INTS4: variants seen among roughly 807,000 people sequenced by gnomAD.
INTS4 encodes the protein MSTP093.
INTS4 carries 70 observed loss-of-function variants against 119.5 expected under a neutral mutation model. The observed-to-expected ratio is 0.59, with a 90% confidence interval of 0.48 to 0.71. INTS4 has a LOEUF of 0.71. INTS4 is among the 30% of genes least tolerant of loss of function. The probability of loss-of-function intolerance (pLI) is 0.00; values close to 1 mark genes in which losing one functional copy is unlikely to be tolerated. For missense variants in INTS4, 867 were observed against 1,173.2 expected (o/e 0.74, Z 3.81); for synonymous variants, 316 against 419.6 (o/e 0.75, Z 3.02).
At chr11:77,965,196 T>G (rs906116125) in intron 4 of INTS4, among the ~76,000 whole-genome samples, 1 of 152,038 alleles carries the variant, frequency 6.6e-6, no homozygotes, top group Admixed American at 6.6e-5. Flanking sequence ...AGAATACAGG[T>G]GCAAGCCACC....
intron 22 of INTS4, among the ~76,000 whole-genome samples, chr11:77,882,720 A>C (rs1168189485): frequency 6.6e-6 from 1 of 152,156 alleles, no homozygotes; most frequent in Non-Finnish European, 1.5e-5. Context: ...GGGCTGCCCT[A>C]ACATCCAACA....
rs772470786 is a variant in INTS4, at chr11:77,921,375, G to A, written c.1729C>T (p.Arg577Ter). ...GGAACAAGATGAGAAAGACTGTCTC[G>A]GAGGTAGGCATAGTGCCTGAAGGTG... ...DHTFRHYAYLRDSLSHLVPAL... is the reference protein window; with the variant it reads ...DHTFRHYAYL The change falls in exon 14 of 23, where the codon CGA becomes TGA. Residue 577 changes from arginine (R) to a stop codon, truncating the protein, a stop_gained. Transcript: ENST00000534064. LOFTEE classifies it high-confidence loss of function. 5.0e-6 allele frequency: 8 copies of A among 1,613,358 alleles called. No individual in the cohort carries two copies. The highest frequency in any genetic ancestry group is 1.7e-5 in the Admixed American group (1 of 59,990).
intron 22 of INTS4, among the ~76,000 whole-genome samples, chr11:77,881,674 A>C (rs2136353021): frequency 6.6e-6 from 1 of 152,358 alleles, no homozygotes; most frequent in East Asian, 1.9e-4. Context: ...AGTGCCTACT[A>C]CATGTCAGGC....
At chr11:77,975,440 T>C (rs1205286634) in intron 4 of INTS4, among the ~76,000 whole-genome samples, 1 of 152,150 alleles carries the variant, frequency 6.6e-6, no homozygotes, top group Admixed American at 6.5e-5. Flanking sequence ...AAAACATACT[T>C]TGTATCTTTT....
chr11:77,982,255 C>A (rs1308285579), intron 2 of INTS4, among the ~76,000 whole-genome samples: 1 of 151,928 alleles, frequency 6.6e-6, no homozygotes, highest in African/African-American at 2.4e-5. Flanking sequence ...CCAACCTCAG[C>A]CTCCCAAGTA....
chr11:77,930,312 A>G (rs1344097358), intron 10 of INTS4, among the ~76,000 whole-genome samples: 1 of 152,246 alleles, frequency 6.6e-6, no homozygotes, highest in Non-Finnish European at 1.5e-5. Context: ...TACTACATTA[A>G]AGACAGATGA....
chr11:77,907,874 A>C, intron 15 of INTS4, 64 bp from the exon 16 acceptor site: 24 of 1,025,734 alleles, frequency 2.3e-5, no homozygotes, highest in Non-Finnish European at 3.1e-5. Flanking sequence ...CATAAAGATC[A>C]TGTCAAAAGC....
At chr11:77,951,336 C>T (rs1201074648) in intron 8 of INTS4, among the ~76,000 whole-genome samples, 2 of 152,094 alleles carry the variant, frequency 1.3e-5, no homozygotes, top group Non-Finnish European at 2.9e-5. Flanking sequence ...TGGAACAGAA[C>T]AGAACCCTCA....
intron 10 of INTS4, among the ~76,000 whole-genome samples, chr11:77,936,228 A>G (rs1463042596): frequency 2.1e-5 from 3 of 143,706 alleles, no homozygotes; most frequent in African/African-American, 5.8e-5. Context: ...ATACTGGAGG[A>G]AAAAAATCAA....
chr11:77,920,459 A>T (rs1290769287), intron 14 of INTS4, among the ~76,000 whole-genome samples: 2 of 151,722 alleles, frequency 1.3e-5, no homozygotes, highest in East Asian at 1.9e-4. Flanking sequence ...TCTATTTTTA[A>T]ATTTTCTTCT....
chr11:77,933,677 G>C (rs1283477123), intron 10 of INTS4, among the ~76,000 whole-genome samples: 3 of 152,056 alleles, frequency 2.0e-5, no homozygotes, highest in East Asian at 3.9e-4. Flanking sequence ...GTCTCTGCCT[G>C]GCCGCCCATC....
intron 10 of INTS4, among the ~76,000 whole-genome samples, chr11:77,930,437 A>C (rs902730267): frequency 1.8e-4 from 28 of 152,222 alleles, no homozygotes; most frequent in African/African-American, 6.8e-4. Flanking sequence ...GGCAAGCTAG[A>C]GATAAACCCA....
intron 5 of INTS4, among the ~76,000 whole-genome samples, chr11:77,960,738 C>T (rs1954448667): frequency 6.6e-6 from 1 of 152,088 alleles, no homozygotes; most frequent in African/African-American, 2.4e-5. Context: ...TTGTGCTTTC[C>T]ATGTTTCATA....
intron 21 of INTS4, among the ~76,000 whole-genome samples, chr11:77,888,565 T>C (rs540485942): frequency 1.3e-5 from 2 of 152,092 alleles, no homozygotes; most frequent in African/African-American, 4.8e-5. Context: ...AAGGCCAAAA[T>C]TGAGAAATGG....
chr11:77,993,899 T>C (rs540924533), intron 1 of INTS4, among the ~76,000 whole-genome samples: 1 of 152,122 alleles, frequency 6.6e-6, no homozygotes, highest in African/African-American at 2.4e-5. Flanking sequence ...ATCTGAGAAA[T>C]AGGACATCAG....
chr11:77,896,727 G>A (rs1159735442), intron 18 of INTS4, among the ~76,000 whole-genome samples: 1 of 150,484 alleles, frequency 6.6e-6, no homozygotes, highest in African/African-American at 2.4e-5. Context: ...AAAAGAAAAG[G>A]TATAGGAAAA....
At chr11:77,923,541 C>G (rs569632821) in intron 12 of INTS4, among the ~76,000 whole-genome samples, 2 of 152,124 alleles carry the variant, frequency 1.3e-5, no homozygotes, top group Admixed American at 6.5e-5. Flanking sequence ...CTGTCTGAAA[C>G]TAAGTAGCCT....
Position 77,991,307 on chromosome 11 carries a change from G to C in INTS4, c.55-8C>G. Reference sequence around the variant, plus strand: ...AGCAATTTCCTCCTGTGGCTGCAAGGGGTAGAGAAAATCGAAAACACAGAA... The same window carrying C: ...AGCAATTTCCTCCTGTGGCTGCAAGCGGTAGAGAAAATCGAAAACACAGAA... On this transcript the variant is annotated splice_polypyrimidine_tract_variant and splice_region_variant and intron_variant, in intron 1 of 22. Transcript: ENST00000534064. 6.2e-7 allele frequency: 1 copy of C among 1,601,150 alleles called. No homozygotes were observed. The highest frequency in any genetic ancestry group is 1.1e-5 in the South Asian group (1 of 90,208).
Position 77,948,406 on chromosome 11 carries a change from G to GGA in INTS4, c.919-7157_919-7156dup, listed in dbSNP as rs1474389062. On this transcript the variant is annotated intron_variant, in intron 8 of 22. Coordinates refer to ENST00000534064, the MANE Select transcript of INTS4 (RefSeq NM_033547.4). Reference sequence around the variant, plus strand: ...TTATGCCTGTAATCCCAGCACCTTGGGAGGCCAAGGCAGGCGAATCACTTG... The same window carrying GGA: ...TTATGCCTGTAATCCCAGCACCTTGGGAGAGGCCAAGGCAGGCGAATCACTTG... Among the ~76,000 whole-genome samples the GGA allele has an allele frequency of 2.6e-5, 4 of 152,082 alleles. No individual in the cohort carries two copies. The East Asian group carries it at 7.7e-4, about 29-fold the overall frequency.
Sources: gnomAD v4.1 joint callset for allele counts (sites outside exome capture counted in the v4.1 genomes callset) on GRCh38, gnomAD v4.1.1 for gene constraint, MANE v1.5 for transcripts, NCBI Gene and HGNC (gene_info 2026-07-23, HGNC 2026-07-21) for gene names.